Variants in PSEN1 observed in about 807,000 individuals in gnomAD.
The protein encoded by PSEN1 is presenilin-1.
PSEN1 carries 15 observed loss-of-function variants against 53.5 expected under a neutral mutation model. That is an observed-to-expected ratio of 0.28 (90% CI 0.19 to 0.43). The LOEUF (loss-of-function observed/expected upper bound fraction) is 0.43, where lower values mean the gene tolerates loss of function less well. PSEN1 is among the 20% of genes least tolerant of loss of function. The pLI is 1.00. For synonymous variants in PSEN1, 208 were observed against 209.8 expected, an observed-to-expected ratio of 0.99 and a Z score of 0.08; for missense variants, 387 against 571.2, an observed-to-expected ratio of 0.68 and a Z score of 3.29.
intron 5 of PSEN1, among the ~76,000 whole-genome samples, chr14:73,184,634 C>G (rs1233795144): frequency 8.6e-6 from 1 of 116,252 alleles, no homozygotes; most frequent in South Asian, 2.9e-4. Context: ...GGCGGCTGGC[C>G]GGGCGGGGGG....
chr14:73,200,724 A>G lies in PSEN1; in HGVS notation c.868+2595A>G, dbSNP rs145510210. 3.3e-3 allele frequency among the ~76,000 whole-genome samples: 495 copies of G among 151,956 alleles called. 2 individuals carry two copies. The highest frequency in any genetic ancestry group is 8.9e-3 in the African/African-American group (367 of 41,458). On this transcript the variant is annotated intron_variant, in intron 8 of 11. Transcript: ENST00000324501. ...ATATCCTTGTAGATTTTTTTTGCCA[A>G]TTTTTCTGTTGAGTTACTGGAAAAG...
chr14:73,201,208 C>T (rs1899171962), intron 8 of PSEN1, among the ~76,000 whole-genome samples: 1 of 152,092 alleles, frequency 6.6e-6, no homozygotes, highest in South Asian at 2.1e-4. Context: ...CTGCCTCAGC[C>T]TCCCCAGCAG....
intron 5 of PSEN1, 53 bp from the exon 6 acceptor site, chr14:73,186,800 C>A: frequency 6.9e-7 from 1 of 1,455,338 alleles, no homozygotes; most frequent in Non-Finnish European, 9.6e-7. Flanking sequence ...AAAATCTGTA[C>A]TTTTTAAGGG....
intron 3 of PSEN1, among the ~76,000 whole-genome samples, chr14:73,151,599 A>T (rs1262378448): frequency 6.6e-6 from 1 of 152,108 alleles, no homozygotes. Context: ...GCTGTCACCA[A>T]AGCTGGAGTG....
chr14:73,182,765 G>A (rs1364186824), intron 5 of PSEN1, among the ~76,000 whole-genome samples: 1 of 152,024 alleles, frequency 6.6e-6, no homozygotes, highest in East Asian at 1.9e-4. Flanking sequence ...CTTGAATCTG[G>A]GAGGTGGAGG....
intron 1 of PSEN1, among the ~76,000 whole-genome samples, chr14:73,140,532 C>T (rs371765981): frequency 6.6e-6 from 1 of 152,084 alleles, no homozygotes. Flanking sequence ...ACTAATTTAA[C>T]AGCAAAATCT....
At chr14:73,173,886 G>GTAACT in intron 5 of PSEN1, 179 bp downstream of exon 5, 1 of 778,866 alleles carries the variant, frequency 1.3e-6, no homozygotes, top group Non-Finnish European at 2.2e-6. Context: ...AAGGAAGCCA[G>GTAACT]GTGCATGTGT....
At chr14:73,191,490 GT>G (rs1209510080) in intron 6 of PSEN1, among the ~76,000 whole-genome samples, 1 of 152,028 alleles carries the variant, frequency 6.6e-6, no homozygotes, top group Non-Finnish European at 1.5e-5. Flanking sequence ...TTCAGATACT[GT>G]CTGGAAAAAT....
At chr14:73,163,524 CAT>C (rs1262155136) in intron 3 of PSEN1, among the ~76,000 whole-genome samples, 9 of 152,344 alleles carry the variant, frequency 5.9e-5, no homozygotes, top group East Asian at 1.9e-4. Flanking sequence ...AGGTCAATAA[CAT>C]GTGCTGTCTT....
At chr14:73,190,485 TAAA>T (rs78682030) in intron 6 of PSEN1, among the ~76,000 whole-genome samples, 39 of 133,040 alleles carry the variant, frequency 2.9e-4, no homozygotes, top group African/African-American at 9.5e-4. Context: ...TGTCTCTATT[TAAA>T]AAAAAAAAAA....
chr14:73,173,894 T>C lies in PSEN1; in HGVS notation c.480+187T>C. 4.1e-6 allele frequency: 3 copies of C among 737,390 alleles called. 1 individual carries two copies. The South Asian group carries it at 4.8e-5, about 12-fold the overall frequency. 45.7% of individuals were successfully genotyped at this position (737,390 alleles called of 1,614,324 possible). On this transcript the variant is annotated intron_variant, in intron 5 of 11. Transcript: ENST00000324501. ...ATACAAAAAGGAAGCCAGGTGCATG[T>C]GTAATGCCAGGCTCAGAGGCTGAGG...
rs769125155 is a variant in PSEN1, at chr14:73,170,831, G to GGCC, written c.122_123insGCC (p.Arg41_Arg42insPro). On this transcript the variant is annotated inframe_insertion, in exon 4 of 12. Coordinates refer to ENST00000324501, the MANE Select transcript of PSEN1 (RefSeq NM_000021.4). Reference sequence around the variant, plus strand: ...AGAGAACGGCAGGAGCACAACGACAGACGGAGCCTTGGCCACCCTGAGCCA... The same window carrying GGCC: ...AGAGAACGGCAGGAGCACAACGACAGGCCACGGAGCCTTGGCCACCCTGAGCCA... The GGCC allele has an allele frequency of 4.3e-5, 70 of 1,614,228 alleles. No homozygotes were observed. The highest frequency in any genetic ancestry group is 5.3e-5 in the Non-Finnish European group (63 of 1,180,038).
chr14:73,142,357 A>G (rs1896953528), intron 1 of PSEN1, among the ~76,000 whole-genome samples: 1 of 152,254 alleles, frequency 6.6e-6, no homozygotes, highest in African/African-American at 2.4e-5. Flanking sequence ...AAATACTTGT[A>G]GCAGTTTTCT....
At chr14:73,158,598 AG>A (rs1413644656) in intron 3 of PSEN1, among the ~76,000 whole-genome samples, 4 of 152,160 alleles carry the variant, frequency 2.6e-5, no homozygotes, top group Admixed American at 2.0e-4. Context: ...TTGGGATTAC[AG>A]GCGTGAGCCA....
At position 73,136,514 on chromosome 14, in the gene PSEN1, A is replaced by G. The variant is rs1406165826; in HGVS notation, c.-205A>G. On this transcript the variant is annotated 5_prime_UTR_variant, in exon 1 of 12. Coordinates refer to ENST00000324501, the MANE Select transcript of PSEN1 (RefSeq NM_000021.4). ...GGTCCGCGGTTTCACATCGGAAACA[A>G]AACAGCGGCTGGTCTGGAAGGAACC... 1 of 153,014 alleles carries G rather than the reference A, an allele frequency of 6.5e-6. No homozygotes were observed. Among genetic ancestry groups the G allele is most frequent in the Non-Finnish European group, 1.5e-5 (1 of 68,298 alleles). The allele number at this position is 153,014 out of a possible 1,614,324, so 9.5% of individuals were successfully genotyped here.
At chr14:73,205,348 G>A (rs979613687) in intron 8 of PSEN1, among the ~76,000 whole-genome samples, 2 of 151,620 alleles carry the variant, frequency 1.3e-5, no homozygotes, top group East Asian at 1.9e-4. Flanking sequence ...GCATGGTGGC[G>A]GGCGCCTGTA....
At chr14:73,173,313 C>A (rs1897945618) in intron 4 of PSEN1, among the ~76,000 whole-genome samples, 1 of 152,192 alleles carries the variant, frequency 6.6e-6, no homozygotes, top group African/African-American at 2.4e-5. Context: ...AAAGCACCCA[C>A]TAGATGGAGC....
In PSEN1 at chr14:73,219,693, CT is replaced by C; in HGVS notation, c.*405del. 3.9e-6 allele frequency: 1 copy of C among 254,428 alleles called. No individual in the cohort carries two copies. 15.8% of individuals were successfully genotyped at this position (254,428 alleles called of 1,614,324 possible). On this transcript the variant is annotated 3_prime_UTR_variant, in exon 12 of 12. Coordinates refer to ENST00000324501, the MANE Select transcript of PSEN1 (RefSeq NM_000021.4). ...GTGAAGTGGTTTAAACCAAACGGAA[CT>C]CTTCATCTTAAACTACACGTTGAAA...
At chr14:73,140,761 C>A (rs568532621) in intron 1 of PSEN1, among the ~76,000 whole-genome samples, 11 of 152,190 alleles carry the variant, frequency 7.2e-5, no homozygotes, top group African/African-American at 2.2e-4. Flanking sequence ...TCTGGACTTG[C>A]GATTCTAAGT....
Sources: allele counts gnomAD v4.1 joint callset (sites outside exome capture counted in the v4.1 genomes callset), GRCh38; gene constraint gnomAD v4.1.1; transcripts MANE v1.5; gene names NCBI Gene and HGNC (gene_info 2026-07-23, HGNC 2026-07-21).